The following MECOM variants were observed in gnomAD, a reference collection of about 807,000 sequenced individuals.
The protein encoded by MECOM is MDS1 and EVI1 complex locus, also known as histone-lysine N-methyltransferase MECOM.
MECOM carries 13 observed loss-of-function variants against 116.3 expected under a neutral mutation model. The ratio of observed to expected loss-of-function variants is 0.11; its 90% CI spans 0.07 to 0.18. The LOEUF is 0.18. Ranked by LOEUF, MECOM falls within the 10% of genes least tolerant of loss-of-function variation. The pLI is 1.00. For missense variants in MECOM, 1,299 were observed against 1,509.0 expected, an observed-to-expected ratio of 0.86 and a Z score of 2.31; for synonymous variants, 528 against 535.2, an observed-to-expected ratio of 0.99 and a Z score of 0.19.
intron 1 of MECOM, among the ~76,000 whole-genome samples, chr3:169,498,006 C>T (rs1284571210): frequency 1.3e-5 from 2 of 152,182 alleles, no homozygotes; most frequent in African/African-American, 4.8e-5. Flanking sequence ...CTTCTCTTCT[C>T]TAGAGTCTTA....
At chr3:169,124,888 TC>T (rs1490730276) in intron 5 of MECOM, among the ~76,000 whole-genome samples, 1 of 152,114 alleles carries the variant, frequency 6.6e-6, no homozygotes, top group Non-Finnish European at 1.5e-5. Flanking sequence ...GCTATAAATA[TC>T]AGTACCAATT....
At chr3:169,381,592 C>T in intron 1 of MECOM, 68 bp from the exon 2 acceptor site, 1 of 1,194,804 alleles carries the variant, frequency 8.4e-7, no homozygotes, top group East Asian at 2.6e-5. Context: ...CAGGGGTAGC[C>T]ACCTTATTAT....
intron 2 of MECOM, among the ~76,000 whole-genome samples, chr3:169,266,647 A>G (rs1345751149): frequency 2.6e-5 from 4 of 152,142 alleles, no homozygotes; most frequent in African/African-American, 7.2e-5. Flanking sequence ...AGCAATCTGT[A>G]CTTCTTGTCC....
intron 1 of MECOM, among the ~76,000 whole-genome samples, chr3:169,519,550 G>A (rs1757105534): frequency 1.3e-5 from 2 of 152,206 alleles, no homozygotes; most frequent in South Asian, 4.1e-4. Context: ...ACTGTGGTTT[G>A]TACTATGTAA....
intron 2 of MECOM, among the ~76,000 whole-genome samples, chr3:169,329,391 C>T (rs1722367688): frequency 6.6e-6 from 1 of 152,130 alleles, no homozygotes; most frequent in African/African-American, 2.4e-5. Context: ...GTCCATTAAC[C>T]AAAGAAGAAG....
rs541725490 is a variant in MECOM at position 169,593,050 on chromosome 3, A to G, written c.37+70286T>C. Among the ~76,000 whole-genome samples the G allele has an allele frequency of 5.3e-5, 8 of 152,290 alleles. No homozygotes were observed. The South Asian group carries it at 1.7e-3, about 32-fold the overall frequency. ...TGATTGTTTACTAAATGCTGATAGA[A>G]TTTTTTAAGAATTAAATTCCTATTG... On this transcript the variant is annotated intron_variant, in intron 1 of 16. Coordinates refer to ENST00000651503, the MANE Select transcript of MECOM (RefSeq NM_004991.4).
intron 2 of MECOM, among the ~76,000 whole-genome samples, chr3:169,180,294 T>C (rs532657392): frequency 4.6e-5 from 7 of 152,302 alleles, no homozygotes; most frequent in African/African-American, 1.4e-4. Context: ...TGGTTGGCAC[T>C]AAATGAAAAG....
At chr3:169,317,599 A>G (rs1174311796) in intron 2 of MECOM, among the ~76,000 whole-genome samples, 1 of 152,204 alleles carries the variant, frequency 6.6e-6, no homozygotes, top group Non-Finnish European at 1.5e-5. Context: ...ACTGAAATCC[A>G]GAAACTCACT....
At chr3:169,243,388 C>G (rs1360796896) in intron 2 of MECOM, among the ~76,000 whole-genome samples, 1 of 152,100 alleles carries the variant, frequency 6.6e-6, no homozygotes, top group African/African-American at 2.4e-5. Context: ...CTTGCATAAC[C>G]ATTTATTTTG....
intron 2 of MECOM, among the ~76,000 whole-genome samples, chr3:169,167,464 C>T (rs1743766881): frequency 1.3e-5 from 2 of 152,070 alleles, no homozygotes; most frequent in African/African-American, 4.8e-5. Context: ...CTCAAGGTCC[C>T]GCATGATGGA....
chr3:169,328,136 G>T (rs1722159869), intron 2 of MECOM, among the ~76,000 whole-genome samples: 1 of 152,090 alleles, frequency 6.6e-6, no homozygotes, highest in Admixed American at 6.5e-5. Flanking sequence ...ACTGAACTTT[G>T]TCACACTGGC....
intron 2 of MECOM, among the ~76,000 whole-genome samples, chr3:169,270,990 T>C (rs1329817512): frequency 6.6e-6 from 1 of 152,244 alleles, no homozygotes; most frequent in East Asian, 1.9e-4. Context: ...GAGTCCTTCT[T>C]GTCCATATTT....
chr3:169,196,579 G>C (rs1748434711), intron 2 of MECOM, among the ~76,000 whole-genome samples: 1 of 151,862 alleles, frequency 6.6e-6, no homozygotes, highest in African/African-American at 2.4e-5. Flanking sequence ...GTGGTAATAA[G>C]GGCAAAACAA....
intron 2 of MECOM, among the ~76,000 whole-genome samples, chr3:169,260,923 T>A (rs1328841075): frequency 6.6e-6 from 1 of 152,246 alleles, no homozygotes; most frequent in Non-Finnish European, 1.5e-5. Context: ...TCATGGCATT[T>A]ATCGTATGTC....
chr3:169,569,399 C>T lies in MECOM; in HGVS notation c.37+93937G>A, dbSNP rs1349432629. ...ATAATAGTGGGAGACTTTAACACCC[C>T]ACTGTCAATATTAGACAGATCTACA... On this transcript the variant is annotated intron_variant, in intron 1 of 16. Coordinates refer to ENST00000651503, the MANE Select transcript of MECOM (RefSeq NM_004991.4). 3.3e-5 allele frequency among the ~76,000 whole-genome samples: 5 copies of T among 152,212 alleles called. 1 individual carries two copies. Among genetic ancestry groups the T allele is most frequent in the Middle Eastern group, 6.8e-3 (2 of 294 alleles).
At chr3:169,456,558 G>C (rs1308810514) in intron 1 of MECOM, among the ~76,000 whole-genome samples, 1 of 152,164 alleles carries the variant, frequency 6.6e-6, no homozygotes, top group Non-Finnish European at 1.5e-5. Context: ...GCCATGGACT[G>C]TCAGCATCCA....
intron 1 of MECOM, among the ~76,000 whole-genome samples, chr3:169,522,775 T>A (rs1757505696): frequency 6.6e-6 from 1 of 152,242 alleles, no homozygotes; most frequent in African/African-American, 2.4e-5. Context: ...AGGTAGATAA[T>A]CAATCTTCTG....
chr3:169,638,973 A>T (rs1163661889), intron 1 of MECOM, among the ~76,000 whole-genome samples: 1 of 145,820 alleles, frequency 6.9e-6, no homozygotes, highest in African/African-American at 2.5e-5. Context: ...TGAGAAGTAG[A>T]TGTATCTTCT....
At chr3:169,646,205 G>A (rs1178463258) in intron 1 of MECOM, among the ~76,000 whole-genome samples, 3 of 151,370 alleles carry the variant, frequency 2.0e-5, no homozygotes, top group East Asian at 1.9e-4. Context: ...ATAAACATAC[G>A]TGTGCATGTG....
Sources: gnomAD v4.1 joint callset for allele counts (sites outside exome capture counted in the v4.1 genomes callset) on GRCh38, gnomAD v4.1.1 for gene constraint, MANE v1.5 for transcripts, NCBI Gene and HGNC (gene_info 2026-07-23, HGNC 2026-07-21) for gene names.